Variants in LSAMP observed in about 807,000 individuals in gnomAD.
LSAMP encodes limbic system-associated membrane protein.
In LSAMP, 7 loss-of-function variants were observed where a neutral mutation model predicts 38.6. The observed-to-expected ratio is 0.18, with a 90% CI of 0.10 to 0.34. LSAMP has a LOEUF of 0.34. Among genes scored for constraint, LSAMP ranks in the 10% least tolerant of loss-of-function variants. LSAMP has a pLI of 1.00. For synonymous variants in LSAMP, 154 were observed against 166.8 expected (o/e 0.92, Z 0.59); for missense variants, 313 against 420.0 (o/e 0.75, Z 2.23).
rs1370337637 is a variant in LSAMP, at chr3:116,188,280, C to T, written c.156-101724G>A. Among the ~76,000 whole-genome samples the T allele has an allele frequency of 2.0e-5, 3 of 152,140 alleles. No homozygotes were observed. The East Asian group carries it at 5.8e-4, about 29-fold the overall frequency. ...CCTCTAAAGGGCCTCCTGTCAGACC[C>T]ATGCTTTTCCAGGGAGACCCCCCAG... On this transcript the variant is annotated intron_variant, in intron 1 of 6. Coordinates refer to ENST00000490035, the MANE Select transcript of LSAMP (RefSeq NM_002338.5).
At chr3:116,152,172 C>T (rs180944898) in intron 1 of LSAMP, among the ~76,000 whole-genome samples, 22 of 152,086 alleles carry the variant, frequency 1.4e-4, no homozygotes, top group African/African-American at 5.1e-4. Context: ...GTTGTAAATG[C>T]CAAGATATTT....
At chr3:116,219,389 T>C (rs1011424854) in intron 1 of LSAMP, among the ~76,000 whole-genome samples, 1 of 152,226 alleles carries the variant, frequency 6.6e-6, no homozygotes, top group Admixed American at 6.5e-5. Context: ...GCTTGGGTAT[T>C]GTGAATAGTG....
At chr3:116,297,797 GAAAT>G (rs2047355931) in intron 1 of LSAMP, among the ~76,000 whole-genome samples, 3 of 152,076 alleles carry the variant, frequency 2.0e-5, no homozygotes, top group African/African-American at 4.8e-5. Flanking sequence ...TATTTTTTAG[GAAAT>G]AAATATTCAT....
chr3:115,883,878 G>C (rs1319208489), intron 3 of LSAMP, among the ~76,000 whole-genome samples: 15 of 151,966 alleles, frequency 9.9e-5, no homozygotes, highest in Non-Finnish European at 2.2e-4. Flanking sequence ...GATAAAATAA[G>C]AGAGTGAATG....
At chr3:116,347,438 G>T (rs186916176) in intron 1 of LSAMP, among the ~76,000 whole-genome samples, 2 of 152,128 alleles carry the variant, frequency 1.3e-5, no homozygotes, top group Non-Finnish European at 2.9e-5. Flanking sequence ...CTTAATGTGT[G>T]TATAGAGAAT....
chr3:116,042,681 G>A (rs1369879020), intron 2 of LSAMP, among the ~76,000 whole-genome samples: 1 of 152,118 alleles, frequency 6.6e-6, no homozygotes, highest in African/African-American at 2.4e-5. Context: ...ACCCGCCTTG[G>A]CCTCCCAAAG....
intron 1 of LSAMP, among the ~76,000 whole-genome samples, chr3:116,280,162 A>G (rs892656864): frequency 2.6e-5 from 4 of 152,266 alleles, no homozygotes; most frequent in Admixed American, 1.3e-4. Flanking sequence ...TAGAAAGTAC[A>G]GTAGTATTAA....
At chr3:116,343,581 T>C (rs2048024947) in intron 1 of LSAMP, among the ~76,000 whole-genome samples, 1 of 152,128 alleles carries the variant, frequency 6.6e-6, no homozygotes, top group Admixed American at 6.6e-5. Context: ...ATGTATAAGA[T>C]GGTCTGTACT....
intron 3 of LSAMP, among the ~76,000 whole-genome samples, chr3:115,883,764 A>G (rs898726012): frequency 3.9e-5 from 6 of 152,066 alleles, no homozygotes; most frequent in African/African-American, 1.4e-4. Flanking sequence ...GTATTATACC[A>G]TAGGAAAAAA....
intron 4 of LSAMP, 80 bp from the exon 5 acceptor site, chr3:115,842,658 C>A: frequency 6.4e-7 from 1 of 1,560,004 alleles, no homozygotes; most frequent in South Asian, 1.2e-5. Flanking sequence ...TGAAGAAGGA[C>A]AATCTGATTA....
chr3:116,241,038 A>G (rs1903434), intron 1 of LSAMP, among the ~76,000 whole-genome samples: 149,882 of 152,126 alleles, frequency 0.99, 73,886 homozygotes, highest in Middle Eastern at 1. Flanking sequence ...TTAGCCGGGC[A>G]TGGTGGCGCA....
chr3:115,919,326 T>A (rs72955574), intron 3 of LSAMP, among the ~76,000 whole-genome samples: 4,599 of 152,194 alleles, frequency 0.03, 228 homozygotes, highest in African/African-American at 0.1. Context: ...GAATGCATAG[T>A]CTAGGAAGAT....
intron 2 of LSAMP, among the ~76,000 whole-genome samples, chr3:116,047,360 A>G (rs931377512): frequency 5.5e-5 from 8 of 144,730 alleles, no homozygotes; most frequent in Non-Finnish European, 1.2e-4. Context: ...CTTTCTTAAA[A>G]TACGAATCTA....
chr3:115,911,441 T>C (rs1025587117), intron 3 of LSAMP, among the ~76,000 whole-genome samples: 2 of 152,334 alleles, frequency 1.3e-5, no homozygotes, highest in Middle Eastern at 6.8e-3. Flanking sequence ...CACTGCAGCC[T>C]CGACCTCCTG....
chr3:115,913,315 T>C (rs1443054172), intron 3 of LSAMP, among the ~76,000 whole-genome samples: 1 of 152,260 alleles, frequency 6.6e-6, no homozygotes, highest in Non-Finnish European at 1.5e-5. Context: ...TGACTTCATA[T>C]TCCTCTACAT....
chr3:115,930,279 A>C (rs6768890), intron 3 of LSAMP, among the ~76,000 whole-genome samples: 126,749 of 151,926 alleles, frequency 0.83, 53,970 homozygotes, highest in East Asian at 0.98. Context: ...TAACCTGTAG[A>C]TCCACGGCTA....
At position 115,967,782 on chromosome 3, in the gene LSAMP, T is replaced by G. The variant is rs373673992; in HGVS notation, c.514+51733A>C. Among the ~76,000 whole-genome samples the G allele has an allele frequency of 3.2e-4, 48 of 151,978 alleles. 1 individual carries two copies. The highest frequency in any genetic ancestry group is 1.1e-3 in the African/African-American group (45 of 41,440). On this transcript the variant is annotated intron_variant, in intron 3 of 6. Transcript: ENST00000490035. ...CCATTTTTAAAACCATTAGATCTCA[T>G]GAGACTCACTCACTATCACGAGAAC...
chr3:116,440,495 G>A (rs1380325376), intron 1 of LSAMP, among the ~76,000 whole-genome samples: 1 of 152,134 alleles, frequency 6.6e-6, no homozygotes, highest in East Asian at 1.9e-4. Flanking sequence ...AATCTCCTGT[G>A]TATTGTATGT....
At chr3:115,834,616 T>TTA (rs1934725853) in intron 6 of LSAMP, 2 of 1,215,078 alleles carry the variant, frequency 1.6e-6, no homozygotes, top group African/African-American at 3.2e-5. Flanking sequence ...GAAAAAATAG[T>TTA]AATCATCATG....
Sources: gnomAD v4.1 joint callset for allele counts (sites outside exome capture counted in the v4.1 genomes callset) on GRCh38, gnomAD v4.1.1 for gene constraint, MANE v1.5 for transcripts, NCBI Gene and HGNC (gene_info 2026-07-23, HGNC 2026-07-21) for gene names.